VCL: variants seen among roughly 807,000 people sequenced by gnomAD.
The protein encoded by VCL is vinculin.
A neutral mutation model predicts 125.7 loss-of-function variants in VCL; 47 were observed. The observed-to-expected ratio is 0.37, with a 90% CI of 0.30 to 0.48. The LOEUF (loss-of-function observed/expected upper bound fraction) is 0.48. Among genes scored for constraint, VCL ranks in the 20% least tolerant of loss-of-function variants. The probability of loss-of-function intolerance (pLI) is 0.99; values close to 1 mark genes in which losing one functional copy is unlikely to be tolerated. For missense variants in VCL, 1,069 were observed against 1,455.5 expected, an observed-to-expected ratio of 0.73 and a Z score of 4.32; for synonymous variants, 458 against 514.6, an observed-to-expected ratio of 0.89 and a Z score of 1.49.
At chr10:73,999,065 A>G (rs1014467985) in intron 1 of VCL, among the ~76,000 whole-genome samples, 8 of 152,078 alleles carry the variant, frequency 5.3e-5, no homozygotes, top group Non-Finnish European at 1.2e-4. Flanking sequence ...TCGTGACCAC[A>G]AGCCCGGTTT....
chr10:74,039,209 G>A (rs972056403), intron 1 of VCL, among the ~76,000 whole-genome samples: 19 of 152,032 alleles, frequency 1.2e-4, no homozygotes, highest in African/African-American at 3.6e-4. Context: ...CACCACGCCC[G>A]GCCACGTGGT....
intron 2 of VCL, among the ~76,000 whole-genome samples, chr10:74,059,171 A>G (rs977438970): frequency 1.3e-5 from 2 of 152,054 alleles, no homozygotes; most frequent in African/African-American, 4.8e-5. Flanking sequence ...TCTGGCCAAC[A>G]TGGTGAAACC....
chr10:74,030,845 C>A (rs183057330), intron 1 of VCL, among the ~76,000 whole-genome samples: 1 of 152,262 alleles, frequency 6.6e-6, no homozygotes, highest in Admixed American at 6.5e-5. Context: ...TTATTTATAT[C>A]CTACTGCTCA....
At chr10:74,047,112 A>G (rs990930858) in intron 2 of VCL, among the ~76,000 whole-genome samples, 2 of 152,176 alleles carry the variant, frequency 1.3e-5, no homozygotes, top group African/African-American at 4.8e-5. Context: ...TCTAACCAAT[A>G]AATGTGGAAG....
chr10:74,031,643 AAAG>A (rs1207817488), intron 1 of VCL, among the ~76,000 whole-genome samples: 1 of 152,148 alleles, frequency 6.6e-6, no homozygotes, highest in African/African-American at 2.4e-5. Context: ...ACAAACAACA[AAAG>A]AAGACAAGCT....
intron 18 of VCL, among the ~76,000 whole-genome samples, chr10:74,111,149 T>C (rs1840212836): frequency 6.6e-6 from 1 of 152,094 alleles, no homozygotes; most frequent in Non-Finnish European, 1.5e-5. Context: ...TCAGAAGACC[T>C]TGAGGGGATA....
At chr10:74,057,227 G>T (rs1841404466) in intron 2 of VCL, among the ~76,000 whole-genome samples, 1 of 151,936 alleles carries the variant, frequency 6.6e-6, no homozygotes, top group African/African-American at 2.4e-5. Flanking sequence ...TTATAGGTGT[G>T]AGTCACCATC....
At chr10:74,037,763 T>A (rs1470662340) in intron 1 of VCL, among the ~76,000 whole-genome samples, 2 of 152,190 alleles carry the variant, frequency 1.3e-5, no homozygotes, top group Non-Finnish European at 2.9e-5. Flanking sequence ...GGCTCCTTTT[T>A]TCTAAAAGAC....
Position 74,091,600 on chromosome 10 carries a change from C to T in VCL, c.1352+1402C>T, listed in dbSNP as rs545832053. The stretch of plus-strand genomic sequence containing the variant: ...ATTCAAGACCAGCCTGCCAGCCTGG[C>T]CAACATGGTGAAACCCTGTCTCTAC... On this transcript the variant is annotated intron_variant, in intron 10 of 21. Transcript: ENST00000211998. Among the ~76,000 whole-genome samples the T allele has an allele frequency of 2.6e-5, 4 of 151,586 alleles. No homozygotes were observed. In the South Asian group the frequency reaches 6.3e-4, roughly 24 times the overall value.
intron 8 of VCL, 104 bp downstream of exon 8, chr10:74,083,617 G>C (rs995229617): frequency 2.2e-6 from 3 of 1,367,696 alleles, no homozygotes; most frequent in Non-Finnish European, 3.1e-6. Flanking sequence ...TCTTTGGCTA[G>C]TAGATAACAG....
chr10:74,101,624 C>T (rs1392843057), intron 14 of VCL, among the ~76,000 whole-genome samples: 9 of 137,552 alleles, frequency 6.5e-5, no homozygotes, highest in Admixed American at 3.1e-4. Flanking sequence ...GGCGCAATCT[C>T]GGCTCACTGC....
chr10:74,083,593 A>T, intron 8 of VCL, 80 bp downstream of exon 8: 1 of 1,552,844 alleles, frequency 6.4e-7, no homozygotes, highest in Non-Finnish European at 8.8e-7. Flanking sequence ...AGCCTCTGCC[A>T]GTTTTGAGTT....
chr10:74,026,216 T>C (rs918712009), intron 1 of VCL, among the ~76,000 whole-genome samples: 2 of 152,252 alleles, frequency 1.3e-5, no homozygotes, highest in Non-Finnish European at 2.9e-5. Context: ...GCATAGCTGC[T>C]GGCATTCACC....
chr10:74,111,244 T>TG (rs1435795663), intron 18 of VCL, among the ~76,000 whole-genome samples: 1 of 152,202 alleles, frequency 6.6e-6, no homozygotes, highest in Non-Finnish European at 1.5e-5. Flanking sequence ...TGGGTGACAG[T>TG]GGGGTACTTA....
chr10:74,000,404 CTTTGTTTGTTTG>C lies in VCL; in HGVS notation c.168+2045_168+2056del, dbSNP rs369969980. ...CTCAGCCTCCCAAGTAGCTGAAGGCCTTTGTTTGTTTGTTTGTTTGTTTGTTTTTGAGATGGA... is the reference window on the plus strand; with the variant it reads ...CTCAGCCTCCCAAGTAGCTGAAGGCCTTTGTTTGTTTGTTTTTGAGATGGA... On this transcript the variant is annotated intron_variant, in intron 1 of 21. Coordinates refer to ENST00000211998, the MANE Select transcript of VCL (RefSeq NM_014000.3). Among the ~76,000 whole-genome samples, 3 of 151,330 alleles carry C rather than the reference CTTTGTTTGTTTG, an allele frequency of 2.0e-5. No individual in the cohort carries two copies. In the East Asian group the frequency reaches 5.8e-4, roughly 29 times the overall value.
At chr10:74,096,147 G>T (rs1434974957) in intron 12 of VCL, among the ~76,000 whole-genome samples, 2 of 70,114 alleles carry the variant, frequency 2.9e-5, no homozygotes, top group Admixed American at 1.4e-4. Context: ...TTCTTAAAAT[G>T]GACTTTTTTT....
intron 13 of VCL, 62 bp from the exon 14 acceptor site, chr10:74,100,886 T>C (rs1840041840): frequency 1.9e-6 from 3 of 1,605,006 alleles, no homozygotes; most frequent in Non-Finnish European, 2.6e-6. Context: ...TGAAACTTTT[T>C]CTTAGGCTGC....
At chr10:74,023,456 A>C (rs1026811085) in intron 1 of VCL, among the ~76,000 whole-genome samples, 4 of 152,240 alleles carry the variant, frequency 2.6e-5, no homozygotes, top group African/African-American at 9.6e-5. Flanking sequence ...TATCCCTGTC[A>C]TTAAGCAATG....
intron 1 of VCL, among the ~76,000 whole-genome samples, chr10:74,010,491 A>G (rs1840413120): frequency 6.6e-6 from 1 of 152,072 alleles, no homozygotes; most frequent in South Asian, 2.1e-4. Context: ...TTTATTTGCA[A>G]TCTTCTGTCA....
Sources: allele counts gnomAD v4.1 joint callset (sites outside exome capture counted in the v4.1 genomes callset), GRCh38; gene constraint gnomAD v4.1.1; transcripts MANE v1.5; gene names NCBI Gene and HGNC (gene_info 2026-07-23, HGNC 2026-07-21).